EPHA6: variants seen among roughly 807,000 people sequenced by gnomAD.
The protein encoded by EPHA6 is ephrin type-A receptor 6.
In EPHA6, 50 loss-of-function variants were observed where a neutral mutation model predicts 112.0. The observed-to-expected ratio is 0.45, with a 90% CI of 0.36 to 0.56. The LOEUF (loss-of-function observed/expected upper bound fraction) is 0.56, where lower values mean the gene tolerates loss of function less well. EPHA6 is among the 20% of genes least tolerant of loss of function. The pLI, the probability that EPHA6 is intolerant of heterozygous loss-of-function variation, is 0.00. For synonymous variants in EPHA6, 529 were observed against 490.7 expected (o/e 1.08, Z -1.03); for missense variants, 1,280 against 1,417.4 (o/e 0.90, Z 1.56).
At position 97,747,572 on chromosome 3, in the gene EPHA6, A is replaced by G; in HGVS notation, c.3278A>G (p.Asp1093Gly). 1 of 1,604,340 alleles carries G rather than the reference A, an allele frequency of 6.2e-7. No homozygotes were observed. The part of the protein sequence containing the change: ...TFDLISRMSI[D>G]DIRRIGVILI... Reference sequence around the variant, plus strand: ...GACCTGATTTCAAGAATGAGCATTGAGTAAGTGATACTAGGTTTATTACTG... The same window carrying G: ...GACCTGATTTCAAGAATGAGCATTGGGTAAGTGATACTAGGTTTATTACTG... Residue 1093 changes from aspartate (D) to glycine (G), a missense_variant and splice_region_variant, in exon 17 of 18, where the codon GAT (aspartate) becomes GGT (glycine). By Grantham distance (94) the Asp-to-Gly change is moderately conservative. Around this residue, in one of 4 missense-constraint regions of EPHA6, gnomAD observed 145 missense variants for 153.3 expected, o/e 0.95. Transcript: ENST00000389672.
chr3:97,611,110 G>T (rs553609950), intron 13 of EPHA6, among the ~76,000 whole-genome samples: 24 of 151,826 alleles, frequency 1.6e-4, no homozygotes, highest in African/African-American at 5.3e-4. Flanking sequence ...ATATGTGTGT[G>T]TGTGTATACC....
intron 15 of EPHA6, among the ~76,000 whole-genome samples, chr3:97,729,549 A>G (rs1559632769): frequency 1.3e-5 from 2 of 152,032 alleles, no homozygotes; most frequent in Non-Finnish European, 2.9e-5. Flanking sequence ...CCATGATTCA[A>G]TTACCTGCCA....
chr3:97,108,274 T>G (rs2047625128), intron 3 of EPHA6, among the ~76,000 whole-genome samples: 1 of 152,148 alleles, frequency 6.6e-6, no homozygotes. Flanking sequence ...TATCAATAGT[T>G]AAAACCAACT....
chr3:97,175,080 T>C (rs2076800514), intron 3 of EPHA6, among the ~76,000 whole-genome samples: 1 of 151,916 alleles, frequency 6.6e-6, no homozygotes, highest in Admixed American at 6.6e-5. Flanking sequence ...TGGCATATGG[T>C]GAGAAATAGG....
intron 5 of EPHA6, among the ~76,000 whole-genome samples, chr3:97,290,216 A>G (rs1307382614): frequency 6.6e-6 from 1 of 152,132 alleles, no homozygotes; most frequent in Non-Finnish European, 1.5e-5. Flanking sequence ...GTTTACTCAA[A>G]AGTCATTCTG....
At chr3:96,893,889 G>T (rs1362928447) in intron 2 of EPHA6, among the ~76,000 whole-genome samples, 1 of 152,348 alleles carries the variant, frequency 6.6e-6, no homozygotes, top group African/African-American at 2.4e-5. Context: ...ATGGAAAAGT[G>T]ATGGTAAGTC....
intron 1 of EPHA6, among the ~76,000 whole-genome samples, chr3:96,861,480 G>A (rs1214714430): frequency 6.6e-6 from 1 of 151,638 alleles, no homozygotes; most frequent in Admixed American, 6.6e-5. Flanking sequence ...TTTAAGAAGG[G>A]ACAGAGATAT....
chr3:97,710,046 A>G (rs1263610376), intron 14 of EPHA6, among the ~76,000 whole-genome samples: 2 of 152,258 alleles, frequency 1.3e-5, no homozygotes, highest in Non-Finnish European at 2.9e-5. Flanking sequence ...TCTTTCAGCG[A>G]AAGTCTACCT....
intron 3 of EPHA6, among the ~76,000 whole-genome samples, chr3:97,085,183 T>G (rs2046854214): frequency 6.6e-6 from 1 of 152,172 alleles, no homozygotes; most frequent in South Asian, 2.1e-4. Context: ...AATTTTTATT[T>G]GTTTTATCAG....
chr3:97,555,509 A>T (rs2093093567), intron 11 of EPHA6, among the ~76,000 whole-genome samples: 1 of 152,130 alleles, frequency 6.6e-6, no homozygotes, highest in Admixed American at 6.6e-5. Context: ...CGCCACACTG[A>T]CTTCCACAAT....
chr3:96,923,010 T>A (rs2039852293), intron 2 of EPHA6, among the ~76,000 whole-genome samples: 1 of 152,240 alleles, frequency 6.6e-6, no homozygotes, highest in Non-Finnish European at 1.5e-5. Context: ...ATTGTGAATA[T>A]ATGTCAAATT....
chr3:97,760,588 A>T lies in EPHA6; in HGVS notation c.*11887A>T, dbSNP rs1161624774. On this transcript the variant is annotated 3_prime_UTR_variant, in exon 18 of 18. Coordinates refer to ENST00000389672, the MANE Select transcript of EPHA6 (RefSeq NM_001080448.3). ...CATATACATATGTATTTGATTAAAC[A>T]CTTTAAATTTTAAATGGCCGCATCA... 5.6e-6 allele frequency: 1 copy of T among 179,600 alleles called. No individual in the cohort carries two copies. Among genetic ancestry groups the T allele is most frequent in the Non-Finnish European group, 1.2e-5 (1 of 83,878 alleles). 11.1% of individuals were successfully genotyped at this position (179,600 alleles called of 1,614,324 possible).
intron 3 of EPHA6, among the ~76,000 whole-genome samples, chr3:97,126,189 T>C (rs1249883172): frequency 6.6e-6 from 1 of 152,164 alleles, no homozygotes; most frequent in Non-Finnish European, 1.5e-5. Flanking sequence ...TGACCTAGGC[T>C]TGGGACTTAC....
chr3:97,165,630 G>C (rs539545471), intron 3 of EPHA6, among the ~76,000 whole-genome samples: 22 of 152,210 alleles, frequency 1.4e-4, no homozygotes, highest in African/African-American at 5.3e-4. Flanking sequence ...CAGACTAGAA[G>C]TGATTGTTAT....
At chr3:97,551,848 G>C (rs958243773) in intron 11 of EPHA6, among the ~76,000 whole-genome samples, 6 of 152,090 alleles carry the variant, frequency 3.9e-5, no homozygotes, top group Non-Finnish European at 7.4e-5. Context: ...AGTCTGGAAA[G>C]GAAATACAAA....
intron 5 of EPHA6, among the ~76,000 whole-genome samples, chr3:97,260,429 A>T (rs771359570): frequency 6.6e-6 from 1 of 152,188 alleles, no homozygotes; most frequent in South Asian, 2.1e-4. Flanking sequence ...ATGCTCATTC[A>T]CTTTAGGAGA....
At chr3:96,938,487 G>A (rs1162389526) in intron 2 of EPHA6, among the ~76,000 whole-genome samples, 2 of 152,130 alleles carry the variant, frequency 1.3e-5, no homozygotes, top group Non-Finnish European at 2.9e-5. Context: ...GATGTTGCTT[G>A]TCAGCTTAAG....
chr3:97,458,067 CA>C (rs68128372), intron 7 of EPHA6, among the ~76,000 whole-genome samples: 557 of 50,552 alleles, frequency 0.011, 2 homozygotes, highest in African/African-American at 0.048. Context: ...GACTCCGTCT[CA>C]AAAAAAAAAA....
intron 2 of EPHA6, among the ~76,000 whole-genome samples, chr3:96,891,100 C>G (rs2107540138): frequency 1.3e-5 from 2 of 152,118 alleles, no homozygotes; most frequent in East Asian, 3.9e-4. Flanking sequence ...AACAAGCAAA[C>G]AAACAATAGC....
Sources: gnomAD v4.1 joint callset for allele counts (sites outside exome capture counted in the v4.1 genomes callset) on GRCh38, gnomAD v4.1.1 for gene constraint, gnomAD v4.1.1 regional missense constraint, MANE v1.5 for transcripts, NCBI Gene and HGNC (gene_info 2026-07-23, HGNC 2026-07-21) for gene names.